Variants in FRMPD3 observed in about 807,000 individuals in gnomAD.
FRMPD3 encodes the protein FERM and PDZ domain-containing protein 3.
FRMPD3 carries 42 observed loss-of-function variants against 97.9 expected under a neutral mutation model. The observed-to-expected ratio is 0.43, with a 90% CI of 0.34 to 0.55. The LOEUF (loss-of-function observed/expected upper bound fraction) is 0.55, where lower values mean the gene tolerates loss of function less well. Among genes scored for constraint, FRMPD3 ranks in the 20% least tolerant of loss-of-function variants. The pLI is 0.03. For missense variants in FRMPD3, 1,303 were observed against 1,457.7 expected (o/e 0.89, Z 1.73); for synonymous variants, 577 against 581.1 (o/e 0.99, Z 0.10).
chrX:107,580,000 T>C (rs1377689039), intron 13 of FRMPD3, among the ~76,000 whole-genome samples: 1 of 111,917 alleles, frequency 8.9e-6, no homozygotes, highest in Non-Finnish European at 1.9e-5. Context: ...AGAAAGAACA[T>C]GAGATTCTTG....
chrX:107,520,823 T>C (rs1373794490), intron 1 of FRMPD3, among the ~76,000 whole-genome samples: 3 of 112,247 alleles, frequency 2.7e-5, no homozygotes, highest in Non-Finnish European at 5.6e-5. Context: ...TCTTCCCAAA[T>C]CTCAGTTTCC....
chrX:107,604,267 T>C lies in FRMPD3; in HGVS notation c.*894T>C, dbSNP rs1410141708. 4 of 27,615 alleles carry C rather than the reference T, an allele frequency of 1.4e-4. No individual in the cohort carries two copies. In the Admixed American group the frequency reaches 2.2e-3, roughly 15 times the overall value. The allele number at this position is 27,615 out of a possible 1,213,427, so 2.3% of individuals were successfully genotyped here. A position where few individuals can be genotyped will look rare whatever the true frequency, so the allele number is the denominator to read the frequency against. Reference sequence around the variant, plus strand: ...ACTGTCCTTGGGAGTTTGACTTAGCTGTGGATCGGGGAGGGGGGTGGGGGG... The same window carrying C: ...ACTGTCCTTGGGAGTTTGACTTAGCCGTGGATCGGGGAGGGGGGTGGGGGG... On this transcript the variant is annotated 3_prime_UTR_variant, in exon 15 of 15. Transcript: ENST00000683843.
intron 8 of FRMPD3, 96 bp from the exon 9 acceptor site, chrX:107,560,161 T>C (rs777282815): frequency 6.9e-5 from 70 of 1,018,567 alleles, no homozygotes; most frequent in Non-Finnish European, 8.8e-5. Context: ...GCCTTACTGA[T>C]ACTATGAGTA....
intron 1 of FRMPD3, among the ~76,000 whole-genome samples, chrX:107,470,412 G>A (rs1280774229): frequency 1.8e-5 from 2 of 112,020 alleles, no homozygotes; most frequent in African/African-American, 6.5e-5. Flanking sequence ...CTCACAGGCT[G>A]TTGGACTGAG....
intron 1 of FRMPD3, among the ~76,000 whole-genome samples, chrX:107,496,857 T>C (rs1276046640): frequency 1.8e-5 from 2 of 112,163 alleles, no homozygotes; most frequent in Non-Finnish European, 3.8e-5. Context: ...CAGCAGTGGG[T>C]TGCCAGTGGG....
intron 13 of FRMPD3, among the ~76,000 whole-genome samples, chrX:107,586,767 G>A (rs190169850): frequency 7.1e-5 from 8 of 112,066 alleles, no homozygotes; most frequent in African/African-American, 2.3e-4. Flanking sequence ...TTTTGAGTGA[G>A]TTTCTTAATC....
chrX:107,454,116 G>A (rs754433951), intron 1 of FRMPD3, among the ~76,000 whole-genome samples: 3 of 111,621 alleles, frequency 2.7e-5, no homozygotes, highest in Non-Finnish European at 5.6e-5. Context: ...CTAGCCACCC[G>A]CAGCTTTTGA....
intron 7 of FRMPD3, 124 bp downstream of exon 7, chrX:107,553,050 C>A (rs190068372): frequency 5.3e-6 from 4 of 761,285 alleles, no homozygotes; most frequent in African/African-American, 2.1e-5. Context: ...ACAGTTCTCA[C>A]CCAAAGCTGG....
At chrX:107,589,117 G>A (rs1049472894) in intron 13 of FRMPD3, among the ~76,000 whole-genome samples, 1 of 111,426 alleles carries the variant, frequency 9.0e-6, no homozygotes, top group Admixed American at 9.6e-5. Flanking sequence ...CTGTGCCCTT[G>A]CTGGAAAGAT....
chrX:107,603,124 G>A lies in FRMPD3; in HGVS notation c.5085G>A (p.Glu1695=). Residue 1695 remains glutamate, a synonymous_variant, in exon 15 of 15, where the codon GAG becomes GAA. Transcript: ENST00000683843. ...QRQELLAKVE[E]VVRNYTFLLR... is the part of the protein sequence containing the mutation. ...AAGAGCTGCTGGCCAAGGTAGAAGAGGTGGTGAGGAACTACACCTTCCTGC... is the reference window on the plus strand; with the variant it reads ...AAGAGCTGCTGGCCAAGGTAGAAGAAGTGGTGAGGAACTACACCTTCCTGC... The A allele has an allele frequency of 8.3e-7, 1 of 1,209,378 alleles. No individual in the cohort carries two copies. The highest frequency in any genetic ancestry group is 1.1e-6 in the Non-Finnish European group (1 of 894,834).
chrX:107,508,628 G>T (rs758452922), intron 1 of FRMPD3, among the ~76,000 whole-genome samples: 3 of 111,054 alleles, frequency 2.7e-5, no homozygotes, highest in Non-Finnish European at 5.7e-5. Flanking sequence ...GAAGATCTGT[G>T]CATGAGACAG....
At chrX:107,506,734 TGA>T (rs1390629999) in intron 1 of FRMPD3, among the ~76,000 whole-genome samples, 1 of 111,000 alleles carries the variant, frequency 9.0e-6, no homozygotes, top group Non-Finnish European at 1.9e-5. Context: ...TGCGGGTGGG[TGA>T]GAGGCAGCAG....
At chrX:107,546,667 G>A (rs182744735) in intron 5 of FRMPD3, among the ~76,000 whole-genome samples, 33 of 112,113 alleles carry the variant, frequency 2.9e-4, no homozygotes, top group African/African-American at 9.4e-4. Flanking sequence ...CATTCTGGCC[G>A]AGTCCTTCAG....
At chrX:107,458,879 G>A (rs1011120172) in intron 1 of FRMPD3, among the ~76,000 whole-genome samples, 11 of 111,256 alleles carry the variant, frequency 9.9e-5, no homozygotes, top group Non-Finnish European at 2.1e-4. Flanking sequence ...ATAGAGAGGA[G>A]GGTCAAATCC....
rs772546280 is a variant in FRMPD3 at position 107,548,196 on chromosome X, T to C, written c.403-1853T>C. Among the ~76,000 whole-genome samples, 6 of 112,576 alleles carry C rather than the reference T, an allele frequency of 5.3e-5. No individual in the cohort carries two copies. In the South Asian group the frequency reaches 2.2e-3, roughly 42 times the overall value. On this transcript the variant is annotated intron_variant, in intron 5 of 14. Transcript: ENST00000683843. Reference sequence around the variant, plus strand: ...CTTCAAAATCAAAATCCAATTTGCCTTATCTAGGAAACTTTAGCCATCTTA... The same window carrying C: ...CTTCAAAATCAAAATCCAATTTGCCCTATCTAGGAAACTTTAGCCATCTTA...
At chrX:107,588,533 C>T (rs1238675660) in intron 13 of FRMPD3, among the ~76,000 whole-genome samples, 1 of 111,882 alleles carries the variant, frequency 8.9e-6, no homozygotes, top group Non-Finnish European at 1.9e-5. Flanking sequence ...GGATTACAGG[C>T]GTGAGCCACT....
intron 1 of FRMPD3, among the ~76,000 whole-genome samples, chrX:107,480,882 A>AGGAG: frequency 4.9e-5 from 3 of 61,520 alleles, no homozygotes; most frequent in Non-Finnish European, 9.3e-5. Context: ...GAAGGAAGGA[A>AGGAG]GGAAGGAAGG....
chrX:107,499,741 T>A (rs1054120935), intron 1 of FRMPD3, among the ~76,000 whole-genome samples: 5 of 112,288 alleles, frequency 4.5e-5, no homozygotes, highest in African/African-American at 1.6e-4. Flanking sequence ...GTAGACATAG[T>A]GCTGTTATTG....
intron 13 of FRMPD3, among the ~76,000 whole-genome samples, chrX:107,580,288 C>T (rs1295413433): frequency 8.9e-6 from 1 of 111,943 alleles, no homozygotes; most frequent in African/African-American, 3.2e-5. Context: ...AACATATTTG[C>T]AATATGGGAG....
Sources: allele counts gnomAD v4.1 joint callset (sites outside exome capture counted in the v4.1 genomes callset), GRCh38; gene constraint gnomAD v4.1.1; transcripts MANE v1.5; gene names NCBI Gene and HGNC (gene_info 2026-07-23, HGNC 2026-07-21).